Variants in ADCK5 observed in about 807,000 individuals in gnomAD.
The protein encoded by ADCK5 is aarF domain containing kinase 5, also known as uncharacterized aarF domain-containing protein kinase 5.
Under a neutral mutation model 64.9 loss-of-function variants are expected in ADCK5, and 43 were observed. The ratio of observed to expected loss-of-function variants is 0.66; its 90% CI spans 0.52 to 0.85. The LOEUF is 0.85. ADCK5 is among the 40% of genes least tolerant of loss of function. The probability of loss-of-function intolerance (pLI) is 0.00; values close to 1 mark genes in which losing one functional copy is unlikely to be tolerated. For synonymous variants in ADCK5, 434 were observed against 342.8 expected, an observed-to-expected ratio of 1.27 and a Z score of -2.94; for missense variants, 760 against 810.5, an observed-to-expected ratio of 0.94 and a Z score of 0.76.
In ADCK5 at chr8:144,387,881, C is replaced by T. The variant is rs142129239; in HGVS notation, c.267-2790C>T. ...TTAGTAGCTGGGGATTACAGGCACA[C>T]GCCACCACACCCAGCTAATTTTGTA... is the stretch of plus-strand genomic sequence containing the variant. On this transcript the variant is annotated intron_variant, in intron 3 of 14. Coordinates refer to ENST00000308860, the MANE Select transcript of ADCK5 (RefSeq NM_174922.5). Among the ~76,000 whole-genome samples the T allele has an allele frequency of 2.2e-3, 320 of 148,696 alleles. 2 individuals carry two copies. Among genetic ancestry groups the T allele is most frequent in the African/African-American group, 7.4e-3 (299 of 40,418 alleles).
rs558492228 is a variant in ADCK5, at chr8:144,374,890, C to CG, written c.12+790dup. Among the ~76,000 whole-genome samples the CG allele has an allele frequency of 5.9e-5, 9 of 152,158 alleles. No individual in the cohort carries two copies. The South Asian group carries it at 1.9e-3, about 32-fold the overall frequency. On this transcript the variant is annotated intron_variant, in intron 1 of 14. Coordinates refer to ENST00000308860, the MANE Select transcript of ADCK5 (RefSeq NM_174922.5). ...TGCTCTGTCCCTGCGGTTAGGACTG[C>CG]GGGGGGGCGGGGCAGAGGCCTTGAC...
At chr8:144,386,753 G>A (rs186602720) in intron 3 of ADCK5, among the ~76,000 whole-genome samples, 9 of 152,260 alleles carry the variant, frequency 5.9e-5, no homozygotes, top group African/African-American at 1.7e-4. Flanking sequence ...TTCCAGCCCC[G>A]GTCCTCCCGC....
chr8:144,392,708 C>A lies in ADCK5; in HGVS notation c.1520+11C>A. ...CCTTATGGCTAAAAGGTCGGTGGCCCGAGGAGGCGCCCGGGCCGTGGTGGG... is the reference window on the plus strand; with the variant it reads ...CCTTATGGCTAAAAGGTCGGTGGCCAGAGGAGGCGCCCGGGCCGTGGTGGG... On this transcript the variant is annotated intron_variant, in intron 13 of 14. Transcript: ENST00000308860. The A allele has an allele frequency of 6.3e-7, 1 of 1,590,632 alleles. No homozygotes were observed. Among genetic ancestry groups the A allele is most frequent in the Non-Finnish European group, 8.6e-7 (1 of 1,168,286 alleles).
chr8:144,391,953 CTCA>C lies in ADCK5; in HGVS notation c.1031_1033del (p.Ile344del). ...CTCCTCTCCCCAGATAGCAGAAAAG[CTCA>C]TCAAGGCCTTTGCTGAGCAGATATT... On this transcript the variant is annotated inframe_deletion, in exon 10 of 15. Coordinates refer to ENST00000308860, the MANE Select transcript of ADCK5 (RefSeq NM_174922.5). The C allele has an allele frequency of 1.2e-6, 2 of 1,612,724 alleles. No individual in the cohort carries two copies. Among genetic ancestry groups the C allele is most frequent in the Middle Eastern group, 1.7e-4 (1 of 6,048 alleles).
chr8:144,375,745 C>A, intron 1 of ADCK5: 1 of 794,678 alleles, frequency 1.3e-6, no homozygotes, highest in Non-Finnish European at 1.5e-6. Context: ...ACTGCACACA[C>A]TCACCATAAG....
intron 2 of ADCK5, among the ~76,000 whole-genome samples, chr8:144,380,256 G>C (rs1819547631): frequency 6.6e-6 from 1 of 151,580 alleles, no homozygotes; most frequent in Admixed American, 6.6e-5. Flanking sequence ...ACAGATGTGT[G>C]CTCAGGCACC....
At position 144,391,256 on chromosome 8, in the gene ADCK5, C is replaced by T. The variant is rs1554860433; in HGVS notation, c.666C>T (p.Gly222=). 2 of 1,612,432 alleles carry T rather than the reference C, an allele frequency of 1.2e-6. No homozygotes were observed. The highest frequency in any genetic ancestry group is 8.5e-7 in the Non-Finnish European group (1 of 1,180,022). Residue 222 remains glycine (G), a synonymous_variant, in exon 6 of 15, where the codon GGC becomes GGT. Transcript: ENST00000308860. The part of the protein sequence containing the change: ...AQVHRAKLHD[G]TSVAVKVQYI... ...TGCACAGAGCCAAGCTGCACGATGG[C>T]ACCAGCGTGGCTGTGAAGGTATATG... is the stretch of plus-strand genomic sequence containing the variant.
chr8:144,392,195 G>A, intron 11 of ADCK5, 25 bp downstream of exon 11: 3 of 1,548,646 alleles, frequency 1.9e-6, no homozygotes, highest in Non-Finnish European at 2.6e-6. Context: ...GTGGGCGTGG[G>A]GCAGGGCAAG....
chr8:144,375,736 CTG>C (rs1819336671), intron 1 of ADCK5: 1 of 821,906 alleles, frequency 1.2e-6, no homozygotes, highest in Admixed American at 6.2e-5. Context: ...TGCAGACAGA[CTG>C]CACACACTCA....
At chr8:144,375,596 G>C in intron 1 of ADCK5, 2 of 985,456 alleles carry the variant, frequency 2.0e-6, no homozygotes, top group Non-Finnish European at 2.4e-6. Flanking sequence ...GTGGTTCTGC[G>C]GCCAAAGCAC....
rs782477867 is a variant in ADCK5, at chr8:144,391,785, C to T, written c.933C>T (p.Arg311=). 20 of 1,544,714 alleles carry T rather than the reference C, an allele frequency of 1.3e-5. No individual in the cohort carries two copies. The highest frequency in any genetic ancestry group is 6.8e-5 in the African/African-American group (5 of 73,478). ...PRVHWDKSSK[R]VLTADFCAGC... is the part of the protein sequence containing the mutation. ...GCCCAGCCTCTTGCTCTCCCCAGCG[C>T]GTGCTCACTGCCGACTTCTGCGCCG... Residue 311 remains arginine, a splice_region_variant and synonymous_variant, in exon 9 of 15, where the codon CGC becomes CGT. Coordinates refer to ENST00000308860, the MANE Select transcript of ADCK5 (RefSeq NM_174922.5).
intron 1 of ADCK5, among the ~76,000 whole-genome samples, chr8:144,378,120 G>A (rs115441975): frequency 0.028 from 4,272 of 152,292 alleles, 151 homozygotes; most frequent in African/African-American, 0.089. Context: ...GCTGCGTTTA[G>A]CCTTCTCTCC....
At position 144,384,086 on chromosome 8, in the gene ADCK5, A is replaced by G. The variant is rs533027993; in HGVS notation, c.266+856A>G. Among the ~76,000 whole-genome samples the G allele has an allele frequency of 6.6e-6, 1 of 151,670 alleles. No homozygotes were observed. The highest frequency in any genetic ancestry group is 1.5e-5 in the Non-Finnish European group (1 of 67,930). On this transcript the variant is annotated intron_variant, in intron 3 of 14. Coordinates refer to ENST00000308860, the MANE Select transcript of ADCK5 (RefSeq NM_174922.5). The surrounding 1 kb of genome is among the most constrained non-coding windows in gnomAD (Gnocchi z 5.7). ...TATTTATTTATTTATTTATTTATTT[A>G]GTATTTTTAGTAGAAACGGGGTTTC...
chr8:144,381,799 G>A (rs1365593334), intron 2 of ADCK5, among the ~76,000 whole-genome samples: 2 of 85,042 alleles, frequency 2.4e-5, no homozygotes, highest in East Asian at 8.6e-4. Flanking sequence ...AGGATTATGG[G>A]CCGGGTGTAG....
At chr8:144,381,207 C>G (rs375925444) in intron 2 of ADCK5, among the ~76,000 whole-genome samples, 3 of 42,768 alleles carry the variant, frequency 7.0e-5, no homozygotes, top group Non-Finnish European at 9.7e-5. Flanking sequence ...GATTATGGGC[C>G]GGGTGTAGAA....
At chr8:144,381,273 C>T (rs1819619090) in intron 2 of ADCK5, among the ~76,000 whole-genome samples, 1 of 146,572 alleles carries the variant, frequency 6.8e-6, no homozygotes, top group African/African-American at 2.6e-5. Flanking sequence ...GGTGTAGAAT[C>T]AGATGTGTGC....
rs1554858619 is a variant in ADCK5, at chr8:144,383,112, G to A, written c.148G>A (p.Val50Met). Residue 50 changes from valine (V) to methionine (M), a missense_variant, in exon 3 of 15, where the codon GTG becomes ATG. Val to Met is a conservative substitution (Grantham distance 21). Coordinates refer to ENST00000308860, the MANE Select transcript of ADCK5 (RefSeq NM_174922.5). ...CAGCCCCACACCCCTGTGGAGGAAG[G>A]TGCTCTCCACCGCGGTAGTGGGGGC... ...FSSPTPLWRK[V>M]LSTAVVGAPL... 6 of 1,588,608 alleles carry A rather than the reference G, an allele frequency of 3.8e-6. No individual in the cohort carries two copies. The Admixed American group carries it at 7.1e-5, about 19-fold the overall frequency.
rs782187418 is a variant in ADCK5 at position 144,392,179 on chromosome 8, G to C, written c.1175+9G>C. 4.5e-6 allele frequency: 7 copies of C among 1,560,932 alleles called. No individual in the cohort carries two copies. The highest frequency in any genetic ancestry group is 5.2e-6 in the Non-Finnish European group (6 of 1,156,800). ...CAGTTCCTGGAGGAGAAGTGAGCGC[G>C]GGTGGGTGGGCGTGGGGCAGGGCAA... On this transcript the variant is annotated intron_variant, in intron 11 of 14. Coordinates refer to ENST00000308860, the MANE Select transcript of ADCK5 (RefSeq NM_174922.5).
At chr8:144,387,330 T>C (rs1329204086) in intron 3 of ADCK5, among the ~76,000 whole-genome samples, 3 of 152,212 alleles carry the variant, frequency 2.0e-5, no homozygotes, top group Non-Finnish European at 4.4e-5. Context: ...TTGATTCCCT[T>C]GTAATTAGCC....
Sources: allele counts gnomAD v4.1 joint callset (sites outside exome capture counted in the v4.1 genomes callset), GRCh38; gene constraint gnomAD v4.1.1; non-coding constraint Gnocchi (gnomAD v3.1); transcripts MANE v1.5; gene names NCBI Gene and HGNC (gene_info 2026-07-23, HGNC 2026-07-21).